Variants in ERBIN observed in about 807,000 individuals in gnomAD.
The protein encoded by ERBIN is densin-180-like protein.
Under a neutral mutation model 158.4 loss-of-function variants are expected in ERBIN, and 60 were observed. That is an observed-to-expected ratio of 0.38 (90% CI 0.31 to 0.47). The LOEUF is 0.47. Ranked by LOEUF, ERBIN falls within the 20% of genes least tolerant of loss-of-function variation. ERBIN has a pLI of 0.99. For synonymous variants in ERBIN, 594 were observed against 557.2 expected (o/e 1.07, Z -0.93); for missense variants, 1,610 against 1,648.0 (o/e 0.98, Z 0.40).
In ERBIN at chr5:66,079,520, A is replaced by C. The variant is rs1762283754; in HGVS notation, c.*990A>C. ...TGTGTTGCCTGTAACACAAAATGTT[A>C]CGAAGGTTTAGGAAAGCCTCTTTGA... On this transcript the variant is annotated 3_prime_UTR_variant, in exon 26 of 26. Transcript: ENST00000284037. The C allele has an allele frequency of 6.6e-6, 1 of 151,946 alleles. No homozygotes were observed. Among genetic ancestry groups the C allele is most frequent in the African/African-American group, 2.5e-5 (1 of 40,760 alleles). The allele number at this position is 151,946 out of a possible 1,614,324, so 9.4% of individuals were successfully genotyped here.
At chr5:65,984,196 C>G (rs1750959261) in intron 1 of ERBIN, among the ~76,000 whole-genome samples, 1 of 147,372 alleles carries the variant, frequency 6.8e-6, no homozygotes, top group Non-Finnish European at 1.5e-5. Flanking sequence ...TCTTTGTGTA[C>G]TTGCTATTCC....
rs1387502680 is a variant in ERBIN, at chr5:65,940,754, C to T, written c.-58+13948C>T. 5.9e-5 allele frequency among the ~76,000 whole-genome samples: 9 copies of T among 151,540 alleles called. No homozygotes were observed. In the South Asian group the frequency reaches 6.2e-4, roughly 11 times the overall value. On this transcript the variant is annotated intron_variant, in intron 1 of 25. Transcript: ENST00000284037. ...CCGGGAGGTGAGGGGCGCCTCTGCC[C>T]GGCCGCCCCTACTGGGAAGTGAGGA...
chr5:66,074,701 TATAAG>T (rs1363908411), intron 22 of ERBIN, among the ~76,000 whole-genome samples: 3 of 152,182 alleles, frequency 2.0e-5, no homozygotes, highest in Non-Finnish European at 2.9e-5. Context: ...ATTTGGTTAT[TATAAG>T]ATAGATACAT....
At chr5:65,948,761 C>CG (rs1746122186) in intron 1 of ERBIN, among the ~76,000 whole-genome samples, 1 of 44,424 alleles carries the variant, frequency 2.3e-5, no homozygotes, top group Admixed American at 1.8e-4. Context: ...TTCTGTTTTG[C>CG]GTTTTTTTTT....
chr5:66,014,915 G>A (rs1165852617), intron 7 of ERBIN, among the ~76,000 whole-genome samples, 190 bp downstream of exon 7: 1 of 152,106 alleles, frequency 6.6e-6, no homozygotes, highest in African/African-American at 2.4e-5. Flanking sequence ...GCTTAACGTG[G>A]TACTGTGTTG....
rs1414804393 is a variant in ERBIN, at chr5:66,080,198, G to T, written c.*1668G>T. On this transcript the variant is annotated 3_prime_UTR_variant, in exon 26 of 26. Transcript: ENST00000284037. The stretch of plus-strand genomic sequence containing the variant: ...ACCAACATTATTTTTGCAAAAGTGA[G>T]TTGGACTCACTTTCCATTCTTGCTA... 1 of 152,542 alleles carries T rather than the reference G, an allele frequency of 6.6e-6. No homozygotes were observed. Among genetic ancestry groups the T allele is most frequent in the Admixed American group, 6.5e-5 (1 of 15,278 alleles). 9.4% of individuals were successfully genotyped at this position (152,542 alleles called of 1,614,324 possible).
At chr5:65,937,975 TAGA>T (rs1033175892) in intron 1 of ERBIN, among the ~76,000 whole-genome samples, 2 of 152,174 alleles carry the variant, frequency 1.3e-5, no homozygotes, top group Non-Finnish European at 2.9e-5. Flanking sequence ...TAGATTAATT[TAGA>T]AGATCATTGA....
chr5:66,065,861 ATATAGTACTT>A (rs1760937457), intron 21 of ERBIN, among the ~76,000 whole-genome samples: 1 of 152,134 alleles, frequency 6.6e-6, no homozygotes, highest in South Asian at 2.1e-4. Context: ...TCCTGAGCAG[ATATAGTACTT>A]TAGGTTATAT....
chr5:66,020,469 T>G (rs563828378), intron 7 of ERBIN, among the ~76,000 whole-genome samples: 1 of 152,146 alleles, frequency 6.6e-6, no homozygotes, highest in East Asian at 1.9e-4. Context: ...TATAACTATA[T>G]TTTGCTCTCA....
chr5:66,050,976 C>A lies in ERBIN; in HGVS notation c.2087+10C>A, dbSNP rs543156523. 1.0e-4 allele frequency: 160 copies of A among 1,575,546 alleles called. No individual in the cohort carries two copies. The South Asian group carries it at 1.8e-3, about 17-fold the overall frequency. On this transcript the variant is annotated intron_variant, in intron 20 of 25. Transcript: ENST00000284037. ...TTAATTCCAAAATCAGGTGTGTGAA[C>A]CTCTTTTACAGTTTTTTATTTATAC...
chr5:66,054,072 G>A lies in ERBIN; in HGVS notation c.2754G>A (p.Leu918=), dbSNP rs1759331579. Residue 918 remains leucine (L), a synonymous_variant, in exon 21 of 26, where the codon CTG becomes CTA. Transcript: ENST00000284037. ...KNIVRSKSAT[L]LYDQPLQVFT... ...TAGTCAGGAGCAAGTCTGCCACACT[G>A]TTGTATGATCAACCATTGCAGGTAT... 2 of 1,614,182 alleles carry A rather than the reference G, an allele frequency of 1.2e-6. No homozygotes were observed. Among genetic ancestry groups the A allele is most frequent in the Non-Finnish European group, 1.7e-6 (2 of 1,180,036 alleles).
chr5:66,026,447 T>C (rs1440761857), intron 13 of ERBIN, 30 bp downstream of exon 13: 1 of 1,234,404 alleles, frequency 8.1e-7, no homozygotes, highest in Non-Finnish European at 1.1e-6. Context: ...TCAGTTGGTT[T>C]ATAGGAGACA....
At chr5:66,011,870 G>A (rs1241651958) in intron 4 of ERBIN, among the ~76,000 whole-genome samples, 179 bp from the exon 5 acceptor site, 2 of 152,068 alleles carry the variant, frequency 1.3e-5, no homozygotes, top group African/African-American at 4.8e-5. Context: ...AATAAAAGGA[G>A]GAAAGATAAA....
At chr5:66,069,136 T>G in intron 21 of ERBIN, 1 of 891,550 alleles carries the variant, frequency 1.1e-6, no homozygotes, top group East Asian at 2.8e-5. Flanking sequence ...AACCTTGATT[T>G]CCTCTGAGTT....
At chr5:65,979,697 A>G (rs1260887116) in intron 1 of ERBIN, among the ~76,000 whole-genome samples, 1 of 152,214 alleles carries the variant, frequency 6.6e-6, no homozygotes, top group Non-Finnish European at 1.5e-5. Context: ...GAATATCTTA[A>G]ATTTTAAAAA....
At chr5:65,945,897 A>C (rs1745683700) in intron 1 of ERBIN, among the ~76,000 whole-genome samples, 3 of 152,234 alleles carry the variant, frequency 2.0e-5, no homozygotes, top group Admixed American at 6.5e-5. Flanking sequence ...TCAGAATTAT[A>C]GTATAATTTC....
chr5:66,011,230 C>A (rs1754162518), intron 4 of ERBIN, among the ~76,000 whole-genome samples: 1 of 152,102 alleles, frequency 6.6e-6, no homozygotes, highest in Non-Finnish European at 1.5e-5. Flanking sequence ...AGGATAGGTG[C>A]AGGAAAGAGA....
At chr5:65,935,175 T>A (rs971765729) in intron 1 of ERBIN, among the ~76,000 whole-genome samples, 1 of 152,158 alleles carries the variant, frequency 6.6e-6, no homozygotes, top group Non-Finnish European at 1.5e-5. Flanking sequence ...GGTCCCTGAT[T>A]TATACTTCTT....
intron 15 of ERBIN, among the ~76,000 whole-genome samples, chr5:66,039,817 A>C (rs1757759699): frequency 6.6e-6 from 1 of 151,976 alleles, no homozygotes; most frequent in African/African-American, 2.4e-5. Context: ...TTAACTATAG[A>C]ACCTCCAGTG....
Sources: allele counts gnomAD v4.1 joint callset (sites outside exome capture counted in the v4.1 genomes callset), GRCh38; gene constraint gnomAD v4.1.1; transcripts MANE v1.5; gene names NCBI Gene and HGNC (gene_info 2026-07-23, HGNC 2026-07-21).